Variants in ZBTB46 observed in about 807,000 individuals in gnomAD.
ZBTB46 encodes zinc finger and BTB domain-containing protein 46.
ZBTB46 carries 8 observed loss-of-function variants against 44.1 expected under a neutral mutation model. The observed-to-expected ratio is 0.18, with a 90% CI of 0.11 to 0.33. The LOEUF is 0.33. ZBTB46 is among the 10% of genes least tolerant of loss of function. ZBTB46 has a pLI of 1.00. For synonymous variants in ZBTB46, 409 were observed against 382.3 expected, an observed-to-expected ratio of 1.07 and a Z score of -0.81; for missense variants, 651 against 847.7, an observed-to-expected ratio of 0.77 and a Z score of 2.88.
At chr20:63,797,004 T>G (rs980576507) in intron 1 of ZBTB46, among the ~76,000 whole-genome samples, 4 of 152,122 alleles carry the variant, frequency 2.6e-5, no homozygotes, top group Admixed American at 6.5e-5. Flanking sequence ...ACCCGGTTTT[T>G]GTTTTTGTTT....
intron 2 of ZBTB46, among the ~76,000 whole-genome samples, chr20:63,782,700 C>A (rs1331969026): frequency 6.6e-6 from 1 of 152,208 alleles, no homozygotes; most frequent in Non-Finnish European, 1.5e-5. Context: ...CCACGCCCCA[C>A]ACCCACAGGT....
chr20:63,786,702 G>A (rs200363990), intron 2 of ZBTB46, among the ~76,000 whole-genome samples: 1 of 152,106 alleles, frequency 6.6e-6, no homozygotes, highest in Admixed American at 6.6e-5. Context: ...AGTAGAGACG[G>A]GGTTTCACCA....
intron 3 of ZBTB46, among the ~76,000 whole-genome samples, chr20:63,773,636 G>A (rs955279333): frequency 2.0e-5 from 3 of 150,562 alleles, no homozygotes; most frequent in Non-Finnish European, 4.4e-5. Context: ...CCCCTCCGAC[G>A]GCACCCACGG....
rs2092091918 is a variant in ZBTB46 at position 63,746,628 on chromosome 20, C to T, written c.*302G>A. ...CACGTGTCCAAGCCAGGCTGGCCAT[C>T]ACAGGGGCCACTCACACACCCGCAC... On this transcript the variant is annotated 3_prime_UTR_variant, in exon 5 of 5. Transcript: ENST00000245663. 2 of 371,650 alleles carry T rather than the reference C, an allele frequency of 5.4e-6. No individual in the cohort carries two copies. The highest frequency in any genetic ancestry group is 1.4e-4 in the South Asian group (2 of 13,906). The allele number at this position is 371,650 out of a possible 1,614,324, so 23.0% of individuals were successfully genotyped here. A position where few individuals can be genotyped will look rare whatever the true frequency, so the allele number is the denominator to read the frequency against.
At chr20:63,809,325 C>A (rs932910547) in intron 1 of ZBTB46, among the ~76,000 whole-genome samples, 1 of 152,186 alleles carries the variant, frequency 6.6e-6, no homozygotes, top group Non-Finnish European at 1.5e-5. Flanking sequence ...TCCTGGGGTT[C>A]GGCACAGGCC....
Position 63,752,632 on chromosome 20 carries a change from C to T in ZBTB46, c.1398+54G>A. 2.7e-6 allele frequency: 4 copies of T among 1,455,484 alleles called. No individual in the cohort carries two copies. Among genetic ancestry groups the T allele is most frequent in the Non-Finnish European group, 3.6e-6 (4 of 1,101,686 alleles). The allele number at this position is 1,455,484 out of a possible 1,614,324, so 90.2% of individuals were successfully genotyped here. A position where few individuals can be genotyped will look rare whatever the true frequency, so the allele number is the denominator to read the frequency against. On this transcript the variant is annotated intron_variant, in intron 4 of 4. Transcript: ENST00000245663. This position sits in a 1 kb window ranked among gnomAD's most constrained non-coding sequence, Gnocchi z 5.6. ...TGCGCCCTCATCAGGACCCGCCTGC[C>T]CGGACATCGTGGCCACGCGCAGCGC...
At chr20:63,747,575 G>A (rs1461991273) in intron 4 of ZBTB46, among the ~76,000 whole-genome samples, 1 of 148,248 alleles carries the variant, frequency 6.7e-6, no homozygotes, top group Non-Finnish European at 1.5e-5. Flanking sequence ...GGTTGGGGTT[G>A]GGGGGGCACA....
intron 1 of ZBTB46, among the ~76,000 whole-genome samples, chr20:63,817,748 A>G (rs930962326): frequency 2.0e-5 from 3 of 151,560 alleles, no homozygotes; most frequent in Non-Finnish European, 4.4e-5. Flanking sequence ...AGAAGAAAGA[A>G]GAGGAAAAAA....
At chr20:63,806,280 G>C (rs979011316) in intron 1 of ZBTB46, among the ~76,000 whole-genome samples, 2 of 151,010 alleles carry the variant, frequency 1.3e-5, no homozygotes, top group Admixed American at 1.3e-4. Flanking sequence ...GGTGACGGGT[G>C]CCTGTAATCC....
intron 2 of ZBTB46, among the ~76,000 whole-genome samples, chr20:63,778,623 C>T (rs1472290054): frequency 6.6e-6 from 1 of 152,178 alleles, no homozygotes; most frequent in Non-Finnish European, 1.5e-5. Flanking sequence ...CTGGCAGGAG[C>T]GGGTGGGAGT....
chr20:63,789,517 C>T (rs1337122698), intron 2 of ZBTB46, among the ~76,000 whole-genome samples: 1 of 152,202 alleles, frequency 6.6e-6, no homozygotes, highest in African/African-American at 2.4e-5. Flanking sequence ...TGTCACCCAC[C>T]CCCCGGCTCA....
At chr20:63,815,867 CGCAGGTCCAGTGGGT>C (rs992503217) in intron 1 of ZBTB46, among the ~76,000 whole-genome samples, 40 of 96,440 alleles carry the variant, frequency 4.1e-4, no homozygotes, top group East Asian at 2.1e-3. Flanking sequence ...TGCAGGTGGG[CGCAGGTCCAGTGGGT>C]GCAGGTGCAG....
chr20:63,752,070 G>C lies in ZBTB46; in HGVS notation c.1398+616C>G, dbSNP rs2092173197. Among the ~76,000 whole-genome samples the C allele has an allele frequency of 6.6e-6, 1 of 151,980 alleles. No individual in the cohort carries two copies. The highest frequency in any genetic ancestry group is 1.5e-5 in the Non-Finnish European group (1 of 67,992). On this transcript the variant is annotated intron_variant, in intron 4 of 4. Coordinates refer to ENST00000245663, the MANE Select transcript of ZBTB46 (RefSeq NM_001369741.1). This position sits in a 1 kb window ranked among gnomAD's most constrained non-coding sequence, Gnocchi z 5.6. ...CTGCACCCTGCGCCTCGGGGTGGGCGTTCCAGGACTCCCCGAACCCTTGGG... is the reference window on the plus strand; with the variant it reads ...CTGCACCCTGCGCCTCGGGGTGGGCCTTCCAGGACTCCCCGAACCCTTGGG...
chr20:63,826,387 A>G (rs946452578), intron 1 of ZBTB46, among the ~76,000 whole-genome samples: 1 of 152,202 alleles, frequency 6.6e-6, no homozygotes, highest in Non-Finnish European at 1.5e-5. Flanking sequence ...AACCAAGAGG[A>G]GCCCGGGGGC....
In ZBTB46 at chr20:63,752,939, C is replaced by A; in HGVS notation, c.1223-78G>T. The A allele has an allele frequency of 6.8e-7, 1 of 1,470,628 alleles. No individual in the cohort carries two copies. The allele number at this position is 1,470,628 out of a possible 1,614,324, so 91.1% of individuals were successfully genotyped here. A position where few individuals can be genotyped will look rare whatever the true frequency, so the allele number is the denominator to read the frequency against. ...GCGGCCCACAGACCACGGCTGCACG[C>A]CGCAGCCCAGCAGCCAGGACGGGCT... On this transcript the variant is annotated intron_variant, in intron 3 of 4. Coordinates refer to ENST00000245663, the MANE Select transcript of ZBTB46 (RefSeq NM_001369741.1). This position sits in a 1 kb window ranked among gnomAD's most constrained non-coding sequence, Gnocchi z 5.6.
chr20:63,785,224 CA>C (rs368838708), intron 2 of ZBTB46, among the ~76,000 whole-genome samples: 25 of 96,930 alleles, frequency 2.6e-4, no homozygotes, highest in African/African-American at 7.2e-4. Context: ...GAGCGAGACT[CA>C]AAAAAAAAAA....
rs1321473555 is a variant in ZBTB46 at position 63,787,264 on chromosome 20, T to C, written c.937+2557A>G. ...CTGTCACCTGGTGGCGTGACAGGAA[T>C]AGCCATCGCCATCCTAGCCATCGCC... On this transcript the variant is annotated intron_variant, in intron 2 of 4. Coordinates refer to ENST00000245663, the MANE Select transcript of ZBTB46 (RefSeq NM_001369741.1). This position sits in a 1 kb window ranked among gnomAD's most constrained non-coding sequence, Gnocchi z 4.6. 6.6e-6 allele frequency among the ~76,000 whole-genome samples: 1 copy of C among 151,548 alleles called. No homozygotes were observed. The highest frequency in any genetic ancestry group is 1.5e-5 in the Non-Finnish European group (1 of 67,966).
rs752830911 is a variant in ZBTB46, at chr20:63,747,052, C to T, written c.1648G>A (p.Glu550Lys). The T allele has an allele frequency of 3.0e-5, 48 of 1,608,454 alleles. 1 individual carries two copies. The highest frequency in any genetic ancestry group is 6.7e-5 in the East Asian group (3 of 44,810). Residue 550 changes from glutamate to lysine, a missense_variant, in exon 5 of 5, where the codon GAG becomes AAG. By Grantham distance (56) the Glu-to-Lys change is moderately conservative. Around this residue, in one of 5 missense-constraint regions of ZBTB46, gnomAD observed 106 missense variants for 81.0 expected, o/e 1.31. Coordinates refer to ENST00000245663, the MANE Select transcript of ZBTB46 (RefSeq NM_001369741.1). ...TCAGGGGCCAGGCCCTCGTCGTCCT[C>T]GCCCAGCTCCTCCGCCTCCCCTCGT... is the stretch of plus-strand genomic sequence containing the variant. ...DPRGEAEELGEDDEGLAPEDA... is the reference protein window; with the variant it reads ...DPRGEAEELGKDDEGLAPEDA...
chr20:63,758,242 C>T (rs1359891878), intron 3 of ZBTB46, among the ~76,000 whole-genome samples: 1 of 148,838 alleles, frequency 6.7e-6, no homozygotes, highest in East Asian at 2.0e-4. Flanking sequence ...TAGGTTCTCA[C>T]ACTACAGCCA....
Sources: allele counts gnomAD v4.1 joint callset (sites outside exome capture counted in the v4.1 genomes callset), GRCh38; gene constraint gnomAD v4.1.1; regional missense constraint gnomAD v4.1.1; non-coding constraint Gnocchi (gnomAD v3.1); transcripts MANE v1.5; gene names NCBI Gene and HGNC (gene_info 2026-07-23, HGNC 2026-07-21).